Variants in HPD observed in about 807,000 individuals in gnomAD.
HPD encodes the protein 4-hydroxyphenylpyruvate dioxygenase, also known as 4-hydroxyphenylpyruvic acid oxidase.
A neutral mutation model predicts 56.9 loss-of-function variants in HPD; 35 were observed. The observed-to-expected ratio is 0.62, with a 90% CI of 0.47 to 0.82. The LOEUF is 0.82. Ranked by LOEUF, HPD falls within the 40% of genes least tolerant of loss-of-function variation. HPD has a pLI of 0.00. For synonymous variants in HPD, 186 were observed against 200.2 expected, an observed-to-expected ratio of 0.93 and a Z score of 0.60; for missense variants, 442 against 506.8, an observed-to-expected ratio of 0.87 and a Z score of 1.23.
chr12:121,883,807 C>G, the HPD span, among the ~76,000 whole-genome samples: 31 of 151,868 alleles, frequency 2.0e-4, no homozygotes, highest in Admixed American at 7.2e-4. Context: ...CCATGAGCTG[C>G]CTACAAAAGT....
chr12:121,844,256 G>C (rs926447202), intron 11 of HPD, among the ~76,000 whole-genome samples: 1 of 151,934 alleles, frequency 6.6e-6, no homozygotes, highest in Non-Finnish European at 1.5e-5. Flanking sequence ...TGTTAGCCAG[G>C]TTGGTCTCGA....
At chr12:121,887,476 G>A in the HPD span, among the ~76,000 whole-genome samples, 18,518 of 151,978 alleles carry the variant, frequency 0.12, 1,590 homozygotes, top group African/African-American at 0.23. Context: ...GAGGCCAGGG[G>A]TTCGAGACCT....
At chr12:121,866,381 TA>T (rs11397109), upstream of HPD, among the ~76,000 whole-genome samples, 43 of 145,070 alleles carry the variant, frequency 3.0e-4, no homozygotes, top group Admixed American at 4.2e-4. Context: ...ATGTTACGTT[TA>T]AAAAAAAAAA....
chr12:121,864,171 G>A (rs142615106), upstream of HPD, among the ~76,000 whole-genome samples: 91 of 151,618 alleles, frequency 6.0e-4, no homozygotes, highest in African/African-American at 2.0e-3. Context: ...ACTTGAACCC[G>A]GGAGGCAGGG....
intron 9 of HPD, among the ~76,000 whole-genome samples, chr12:121,848,249 G>A (rs1877650333): frequency 6.6e-6 from 1 of 151,932 alleles, no homozygotes; most frequent in African/African-American, 2.4e-5. Flanking sequence ...ATGCATCAGT[G>A]GCCTCAGGCT....
chr12:121,884,779 T>TATTTACATTTTGTAAATGTAAATA, the HPD span, among the ~76,000 whole-genome samples: 6 of 152,160 alleles, frequency 3.9e-5, no homozygotes, highest in Admixed American at 6.5e-5. Flanking sequence ...TTTCACCAAT[T>TATTTACATTTTGTAAATGTAAATA]ATTTACATTT....
upstream of HPD, among the ~76,000 whole-genome samples, chr12:121,861,308 C>G (rs1592925705): frequency 6.6e-6 from 1 of 151,114 alleles, no homozygotes; most frequent in East Asian, 1.9e-4. Context: ...TGCACTCCAG[C>G]CTGAGCAACA....
rs772888576 is a variant in HPD at position 121,839,704 on chromosome 12, T to C, written c.*24A>G. 8.6e-6 allele frequency: 13 copies of C among 1,518,356 alleles called. No homozygotes were observed. The highest frequency in any genetic ancestry group is 1.4e-5 in the African/African-American group (1 of 72,918). 94.1% of individuals were successfully genotyped at this position (1,518,356 alleles called of 1,614,324 possible). A position where few individuals can be genotyped will look rare whatever the true frequency, so the allele number is the denominator to read the frequency against. Reference sequence around the variant, plus strand: ...ATCAGGGGGCGTGGCTGTGTGGCTGTGGCCTCCGTGGGGTGGGCGGGGCTT... The same window carrying C: ...ATCAGGGGGCGTGGCTGTGTGGCTGCGGCCTCCGTGGGGTGGGCGGGGCTT... On this transcript the variant is annotated 3_prime_UTR_variant, in exon 14 of 14. Transcript: ENST00000289004.
intron 12 of HPD, 92 bp downstream of exon 12, chr12:121,843,618 G>T: frequency 1.4e-6 from 2 of 1,471,178 alleles, no homozygotes; most frequent in Non-Finnish European, 1.9e-6. Flanking sequence ...CTTGGTCTGG[G>T]CTCCCCTCCG....
chr12:121,860,863 G>A (rs1157559693), upstream of HPD, among the ~76,000 whole-genome samples: 1 of 151,942 alleles, frequency 6.6e-6, no homozygotes, highest in African/African-American at 2.4e-5. Context: ...CTATGATCAC[G>A]CCACTGCACT....
chr12:121,856,580 C>T lies in HPD; in HGVS notation c.241+3G>A, dbSNP rs1297043071. 3 of 1,613,974 alleles carry T rather than the reference C, an allele frequency of 1.9e-6. No homozygotes were observed. Among genetic ancestry groups the T allele is most frequent in the Non-Finnish European group, 2.5e-6 (3 of 1,179,980 alleles). On this transcript the variant is annotated splice_donor_region_variant and intron_variant, in intron 5 of 13. Transcript: ENST00000289004. ...ATGCGTCCACCCTCCCCGGGCACCT[C>T]ACCTTTGTTCCAGGGGTTGAGCGCT... is the stretch of plus-strand genomic sequence containing the variant.
In HPD at chr12:121,846,854, G is replaced by A. The variant is rs1356756583; in HGVS notation, c.831+8C>T. ...GAGAGGAATTCGGACAGGGAAGGGG[G>A]TTCTAACCGCTGTGATGATGTCTTC... On this transcript the variant is annotated splice_region_variant and intron_variant, in intron 11 of 13. Coordinates refer to ENST00000289004, the MANE Select transcript of HPD (RefSeq NM_002150.3). The A allele has an allele frequency of 3.1e-6, 5 of 1,613,534 alleles. No homozygotes were observed. Among genetic ancestry groups the A allele is most frequent in the African/African-American group, 1.3e-5 (1 of 74,910 alleles).
the HPD span, among the ~76,000 whole-genome samples, chr12:121,869,567 T>TTG: frequency 2.6e-4 from 1 of 3,826 alleles, no homozygotes; most frequent in Non-Finnish European, 8.6e-4. Context: ...AGGTTTTCAC[T>TTG]TTTTTTTTTT....
chr12:121,885,516 T>A, the HPD span, among the ~76,000 whole-genome samples: 1 of 151,894 alleles, frequency 6.6e-6, no homozygotes, highest in African/African-American at 2.4e-5. Context: ...TGTATTCTTT[T>A]CTGAACCATT....
At chr12:121,874,708 C>T in the HPD span, among the ~76,000 whole-genome samples, 1 of 151,990 alleles carries the variant, frequency 6.6e-6, no homozygotes, top group African/African-American at 2.4e-5. Context: ...GAGATGTGTG[C>T]ATGTGAAACA....
At chr12:121,877,460 G>A in the HPD span, among the ~76,000 whole-genome samples, 7 of 151,902 alleles carry the variant, frequency 4.6e-5, no homozygotes, top group South Asian at 6.2e-4. Context: ...GGTTGGGCGC[G>A]GTGGTTCACG....
upstream of HPD, among the ~76,000 whole-genome samples, chr12:121,864,713 C>A (rs558236547): frequency 1.3e-5 from 2 of 150,120 alleles, no homozygotes. Context: ...ATTAGCCAGG[C>A]ATGGTGGCAG....
intron 2 of HPD, among the ~76,000 whole-genome samples, chr12:121,858,374 G>A (rs1410187563): frequency 2.6e-5 from 4 of 152,048 alleles, no homozygotes; most frequent in African/African-American, 9.7e-5. Context: ...TAGTAGAGAC[G>A]GGGTTTCCTC....
chr12:121,868,832 T>A, the HPD span, among the ~76,000 whole-genome samples: 2 of 152,108 alleles, frequency 1.3e-5, no homozygotes, highest in Non-Finnish European at 2.9e-5. Flanking sequence ...CTTTGCCTAT[T>A]TCTTAATCGA....
Sources: allele counts gnomAD v4.1 joint callset (sites outside exome capture counted in the v4.1 genomes callset), GRCh38; gene constraint gnomAD v4.1.1; transcripts MANE v1.5; gene names NCBI Gene and HGNC (gene_info 2026-07-23, HGNC 2026-07-21).